The following FAM118B variants were observed in gnomAD, a reference collection of about 807,000 sequenced individuals.
The protein encoded by FAM118B is SIR2 antiphage like 1, also known as protein FAM118B.
In FAM118B, 24 loss-of-function variants were observed where a neutral mutation model predicts 38.5. The ratio of observed to expected loss-of-function variants is 0.62; its 90% confidence interval spans 0.45 to 0.88. FAM118B has a LOEUF of 0.88. Ranked by LOEUF, FAM118B falls within the 40% of genes least tolerant of loss-of-function variation. FAM118B has a pLI of 0.00. For missense variants in FAM118B, 334 were observed against 420.0 expected (o/e 0.80, Z 1.79); for synonymous variants, 138 against 156.3 (o/e 0.88, Z 0.87).
chr11:126,238,829 C>A (rs1950316189), intron 3 of FAM118B, among the ~76,000 whole-genome samples: 1 of 151,826 alleles, frequency 6.6e-6, no homozygotes, highest in African/African-American at 2.4e-5. Flanking sequence ...GCCCTTTGAC[C>A]TCTGTTGTCT....
At chr11:126,216,115 C>G (rs918365151) in intron 1 of FAM118B, among the ~76,000 whole-genome samples, 8 of 151,960 alleles carry the variant, frequency 5.3e-5, no homozygotes, top group African/African-American at 1.5e-4. Context: ...GTGGCTCATA[C>G]CTGTAATCCC....
At chr11:126,215,312 G>A (rs776083178) in intron 1 of FAM118B, among the ~76,000 whole-genome samples, 2 of 152,190 alleles carry the variant, frequency 1.3e-5, no homozygotes, top group Non-Finnish European at 2.9e-5. Flanking sequence ...CTAAGAAACT[G>A]GATTCTGCTC....
At chr11:126,229,733 G>A (rs749967841) in intron 2 of FAM118B, among the ~76,000 whole-genome samples, 23 of 152,182 alleles carry the variant, frequency 1.5e-4, no homozygotes, top group Non-Finnish European at 2.9e-4. Context: ...GAGCCACCGT[G>A]TCCAGCCACA....
Position 126,253,962 on chromosome 11 carries a change from T to G in FAM118B, c.568-343T>G, listed in dbSNP as rs1293926787. ...AAGAGGGGCCACACAAGGGCCTGGA[T>G]ACAGAGGCTTGATTTCTTGGGGCGA... On this transcript the variant is annotated intron_variant, in intron 5 of 8. Coordinates refer to ENST00000533050, the MANE Select transcript of FAM118B (RefSeq NM_024556.4). The surrounding 1 kb of genome is among the most constrained non-coding windows in gnomAD (Gnocchi z 5.1). Among the ~76,000 whole-genome samples the G allele has an allele frequency of 1.3e-5, 2 of 152,240 alleles. No homozygotes were observed. Among genetic ancestry groups the G allele is most frequent in the Non-Finnish European group, 2.9e-5 (2 of 68,048 alleles).
Position 126,262,131 on chromosome 11 carries a change from T to C in FAM118B, c.1054T>C (p.Ter352ArgextTer3), listed in dbSNP as rs1202404100. The change falls in exon 9 of 9, where the codon TGA becomes CGA. Residue 352 changes from the stop codon to arginine, a stop_lost. Coordinates refer to ENST00000533050, the MANE Select transcript of FAM118B (RefSeq NM_024556.4). ...AHSEIRGCST[*>R] is the part of the protein sequence containing the mutation. The stretch of plus-strand genomic sequence containing the variant: ...CTTTCTCCCTACAGGCTGTAGTACA[T>C]GAGCGAGCTAGAGAAATCACCACCG... The C allele has an allele frequency of 3.1e-6, 5 of 1,614,092 alleles. No homozygotes were observed. The South Asian group carries it at 4.4e-5, about 14-fold the overall frequency.
intron 7 of FAM118B, among the ~76,000 whole-genome samples, chr11:126,257,593 A>G (rs1182942534): frequency 6.9e-6 from 1 of 144,160 alleles, no homozygotes; most frequent in Non-Finnish European, 1.5e-5. Context: ...CTATATTCAT[A>G]TAGAATTGTA....
chr11:126,252,808 G>A lies in FAM118B; in HGVS notation c.568-1497G>A, dbSNP rs1057505063. ...CCAGCATTTTGGGTGGCCGAGGTGG[G>A]TGGATCACTTGAGGTCAGGATTTTG... On this transcript the variant is annotated intron_variant, in intron 5 of 8. Coordinates refer to ENST00000533050, the MANE Select transcript of FAM118B (RefSeq NM_024556.4). This position sits in a 1 kb window ranked among gnomAD's most constrained non-coding sequence, Gnocchi z 4.7. 4.6e-5 allele frequency among the ~76,000 whole-genome samples: 7 copies of A among 152,142 alleles called. No homozygotes were observed. The highest frequency in any genetic ancestry group is 1.0e-4 in the Non-Finnish European group (7 of 68,030).
rs1950520781 is a variant in FAM118B, at chr11:126,252,662, G to A, written c.568-1643G>A. ...GGAGGCTGAAGCAGGACGATCGATT[G>A]AGCTGAGGCAGTCGAGGCTACAGTG... is the stretch of plus-strand genomic sequence containing the variant. On this transcript the variant is annotated intron_variant, in intron 5 of 8. Transcript: ENST00000533050. The surrounding 1 kb of genome is among the most constrained non-coding windows in gnomAD (Gnocchi z 4.7). 1.3e-5 allele frequency among the ~76,000 whole-genome samples: 2 copies of A among 152,098 alleles called. No individual in the cohort carries two copies. Among genetic ancestry groups the A allele is most frequent in the African/African-American group, 4.8e-5 (2 of 41,396 alleles).
At chr11:126,238,089 C>T (rs1040241827) in intron 3 of FAM118B, among the ~76,000 whole-genome samples, 6 of 151,936 alleles carry the variant, frequency 3.9e-5, no homozygotes, top group East Asian at 2.0e-4. Flanking sequence ...AGGCCGGGTG[C>T]GGTGGCTCAC....
chr11:126,262,073 C>A, intron 8 of FAM118B, 47 bp from the exon 9 acceptor site: 1 of 1,609,190 alleles, frequency 6.2e-7, no homozygotes, highest in Non-Finnish European at 8.5e-7. Context: ...AATGTATAAA[C>A]CTGTTTTGTG....
chr11:126,233,112 G>C (rs1040190389), intron 2 of FAM118B, among the ~76,000 whole-genome samples: 2 of 152,080 alleles, frequency 1.3e-5, no homozygotes, highest in South Asian at 4.1e-4. Context: ...TGTAATTTTG[G>C]AGTAGAGCCT....
At chr11:126,224,145 G>A (rs1490410730) in intron 1 of FAM118B, among the ~76,000 whole-genome samples, 2 of 152,100 alleles carry the variant, frequency 1.3e-5, no homozygotes, top group Non-Finnish European at 2.9e-5. Flanking sequence ...GTCTTTGGGG[G>A]ACTTACATTC....
At chr11:126,224,733 G>A (rs933728755) in intron 1 of FAM118B, among the ~76,000 whole-genome samples, 2 of 152,152 alleles carry the variant, frequency 1.3e-5, no homozygotes, top group Non-Finnish European at 2.9e-5. Context: ...CCCCAAGGTC[G>A]GGGTGTACCA....
chr11:126,241,865 A>T (rs1950362882), intron 4 of FAM118B, among the ~76,000 whole-genome samples: 1 of 151,958 alleles, frequency 6.6e-6, no homozygotes, highest in African/African-American at 2.4e-5. Flanking sequence ...TAAAATCTTA[A>T]AAATCAGGCT....
chr11:126,223,382 G>C (rs1013450800), intron 1 of FAM118B, among the ~76,000 whole-genome samples: 1 of 151,960 alleles, frequency 6.6e-6, no homozygotes, highest in Admixed American at 6.5e-5. Context: ...GGCAGATCAC[G>C]AGTCAGGAGA....
intron 4 of FAM118B, among the ~76,000 whole-genome samples, chr11:126,242,360 C>G (rs562957559): frequency 6.1e-4 from 92 of 152,036 alleles, no homozygotes; most frequent in African/African-American, 2.1e-3. Context: ...GAGGCCAAGG[C>G]AGGAGAACTG....
chr11:126,240,179 T>G (rs1183932145), intron 3 of FAM118B, among the ~76,000 whole-genome samples: 1 of 152,190 alleles, frequency 6.6e-6, no homozygotes, highest in Non-Finnish European at 1.5e-5. Context: ...AAAGGAATGT[T>G]TTTCACTTTT....
chr11:126,215,357 A>G (rs1591497418), intron 1 of FAM118B, among the ~76,000 whole-genome samples: 1 of 152,168 alleles, frequency 6.6e-6, no homozygotes, highest in African/African-American at 2.4e-5. Context: ...CCACTGAGCT[A>G]ATGTTTATGT....
rs1036244597 is a variant in FAM118B at position 126,252,272 on chromosome 11, C to T, written c.567+1539C>T. On this transcript the variant is annotated intron_variant, in intron 5 of 8. Coordinates refer to ENST00000533050, the MANE Select transcript of FAM118B (RefSeq NM_024556.4). This position sits in a 1 kb window ranked among gnomAD's most constrained non-coding sequence, Gnocchi z 4.7. ...AAAGTGCTGGGATTACAGGCATGAG[C>T]CACCACACCCAGCACAGTTTTTATC... is the stretch of plus-strand genomic sequence containing the variant. Among the ~76,000 whole-genome samples, 23 of 152,188 alleles carry T rather than the reference C, an allele frequency of 1.5e-4. No individual in the cohort carries two copies. The highest frequency in any genetic ancestry group is 5.3e-4 in the African/African-American group (22 of 41,450).
Sources: allele counts gnomAD v4.1 joint callset (sites outside exome capture counted in the v4.1 genomes callset), GRCh38; gene constraint gnomAD v4.1.1; non-coding constraint Gnocchi (gnomAD v3.1); transcripts MANE v1.5; gene names NCBI Gene and HGNC (gene_info 2026-07-23, HGNC 2026-07-21).